ILDR1: variants seen among roughly 807,000 people sequenced by gnomAD.
ILDR1 encodes immunoglobulin-like domain-containing receptor 1.
A neutral mutation model predicts 62.4 loss-of-function variants in ILDR1; 56 were observed. The ratio of observed to expected loss-of-function variants is 0.90; its 90% CI spans 0.72 to 1.12. The LOEUF (loss-of-function observed/expected upper bound fraction) is 1.12. Ranked by LOEUF, ILDR1 falls within the 50% of genes most tolerant of loss-of-function variation. ILDR1 has a pLI of 0.00. For synonymous variants in ILDR1, 284 were observed against 277.8 expected, an observed-to-expected ratio of 1.02 and a Z score of -0.22; for missense variants, 736 against 710.6, an observed-to-expected ratio of 1.04 and a Z score of -0.41.
intron 7 of ILDR1, among the ~76,000 whole-genome samples, chr3:121,991,497 C>T (rs112625750): frequency 4.3e-4 from 65 of 152,046 alleles, no homozygotes; most frequent in African/African-American, 1.4e-3. Flanking sequence ...ACTGGTAACA[C>T]GGAAGAAATA....
upstream of ILDR1, among the ~76,000 whole-genome samples, chr3:122,023,758 C>T (rs887534101): frequency 6.6e-6 from 1 of 152,000 alleles, no homozygotes; most frequent in Non-Finnish European, 1.5e-5. Context: ...GTTTAGGAGC[C>T]TCATAGGTCT....
At chr3:121,994,435 T>C in intron 5 of ILDR1, 122 bp from the exon 6 acceptor site, 1 of 1,185,044 alleles carries the variant, frequency 8.4e-7, no homozygotes. Context: ...TCTCACCTAT[T>C]TTGCATGGGA....
At chr3:121,994,122 G>A (rs1312305215) in intron 6 of ILDR1, 60 bp downstream of exon 6, 15 of 1,528,190 alleles carry the variant, frequency 9.8e-6, no homozygotes, top group Non-Finnish European at 1.3e-5. Context: ...TCTTGATGTA[G>A]CCCATGTTCC....
the ILDR1 span, among the ~76,000 whole-genome samples, chr3:122,047,037 CA>C: frequency 6.9e-6 from 1 of 144,688 alleles, no homozygotes; most frequent in South Asian, 2.4e-4. Context: ...GTTTTTTCCC[CA>C]TCTTTGTGGT....
At chr3:122,036,594 A>C in the ILDR1 span, among the ~76,000 whole-genome samples, 9 of 152,114 alleles carry the variant, frequency 5.9e-5, no homozygotes, top group Non-Finnish European at 1.2e-4. Flanking sequence ...ATTTCAAAAA[A>C]AAAAAAAAGG....
At chr3:122,001,475 A>T in intron 4 of ILDR1, 21 bp from the exon 5 acceptor site, 1 of 1,613,866 alleles carries the variant, frequency 6.2e-7, no homozygotes, top group Admixed American at 1.7e-5. Context: ...GAAGCCAAGC[A>T]GGGGTTGAAC....
the ILDR1 span, among the ~76,000 whole-genome samples, chr3:122,052,268 A>G: frequency 6.6e-6 from 1 of 152,006 alleles, no homozygotes; most frequent in South Asian, 2.1e-4. Flanking sequence ...AGAGTATGCC[A>G]GTGATTCAAG....
Position 122,017,996 on chromosome 3 carries a change from G to A in ILDR1, c.58+4024C>T, listed in dbSNP as rs190171681. The stretch of plus-strand genomic sequence containing the variant: ...GAAGACAGTATGGTGATTCCTCAAG[G>A]ATCTAGAACTAGAAATACCATTTGA... On this transcript the variant is annotated intron_variant, in intron 1 of 7. Coordinates refer to ENST00000344209, the MANE Select transcript of ILDR1 (RefSeq NM_001199799.2). Among the ~76,000 whole-genome samples, 3 of 152,284 alleles carry A rather than the reference G, an allele frequency of 2.0e-5. No individual in the cohort carries two copies. The East Asian group carries it at 5.8e-4, about 29-fold the overall frequency.
Position 121,993,748 on chromosome 3 carries a change from G to A in ILDR1, c.1001C>T (p.Pro334Leu), listed in dbSNP as rs1008850752. ...VVERRIIHLP[P>L]LIRDLSSSRR... Reference sequence around the variant, plus strand: ...TGAGGATGACAGGTCTCTGATCAGTGGGGGCAGGTGGATGATTCTGCGTTC... The same window carrying A: ...TGAGGATGACAGGTCTCTGATCAGTAGGGGCAGGTGGATGATTCTGCGTTC... Residue 334 changes from proline to leucine, a missense_variant, in exon 7 of 8, where the codon CCA becomes CTA. Transcript: ENST00000344209. 5.6e-6 allele frequency: 9 copies of A among 1,614,042 alleles called. No homozygotes were observed. Among genetic ancestry groups the A allele is most frequent in the Non-Finnish European group, 7.6e-6 (9 of 1,180,002 alleles).
At chr3:122,034,400 C>T in the ILDR1 span, among the ~76,000 whole-genome samples, 1 of 152,086 alleles carries the variant, frequency 6.6e-6, no homozygotes, top group Non-Finnish European at 1.5e-5. Flanking sequence ...AATGAAATTT[C>T]TTGAATCCCT....
At chr3:122,010,342 G>T (rs1432835022) in intron 1 of ILDR1, among the ~76,000 whole-genome samples, 1 of 152,080 alleles carries the variant, frequency 6.6e-6, no homozygotes, top group East Asian at 1.9e-4. Context: ...CTTTTCTGAA[G>T]AACAGTAATA....
At chr3:122,031,637 CA>C in the ILDR1 span, among the ~76,000 whole-genome samples, 1 of 151,906 alleles carries the variant, frequency 6.6e-6, no homozygotes, top group East Asian at 1.9e-4. Flanking sequence ...GAGAGACCCC[CA>C]AAAAACTCTC....
intron 1 of ILDR1, among the ~76,000 whole-genome samples, chr3:122,020,733 G>T (rs2071842629): frequency 6.6e-6 from 1 of 152,202 alleles, no homozygotes; most frequent in African/African-American, 2.4e-5. Context: ...GCCTAAGATG[G>T]TGTTTGGTGA....
the ILDR1 span, among the ~76,000 whole-genome samples, chr3:122,048,982 CTTTTT>C: frequency 8.6e-5 from 13 of 152,032 alleles, no homozygotes; most frequent in African/African-American, 3.1e-4. Context: ...GCTTGTTCTT[CTTTTT>C]TTAGTTATTT....
At chr3:122,001,590 G>A (rs1431546679) in intron 4 of ILDR1, 136 bp from the exon 5 acceptor site, 1 of 1,476,428 alleles carries the variant, frequency 6.8e-7, no homozygotes, top group Non-Finnish European at 9.5e-7. Flanking sequence ...CTGGCAAAAA[G>A]GTAAAAGTTT....
chr3:122,049,010 TA>T, the ILDR1 span, among the ~76,000 whole-genome samples: 76 of 152,356 alleles, frequency 5.0e-4, no homozygotes, highest in African/African-American at 1.6e-3. Context: ...CATGTAGGGT[TA>T]GATTTTTTAT....
At chr3:122,004,262 G>A (rs576988276) in intron 3 of ILDR1, among the ~76,000 whole-genome samples, 38 of 152,226 alleles carry the variant, frequency 2.5e-4, no homozygotes, top group African/African-American at 9.1e-4. Context: ...TCTGAATTAT[G>A]TGCTACTCTA....
At chr3:122,028,692 C>A in the ILDR1 span, among the ~76,000 whole-genome samples, 3 of 152,142 alleles carry the variant, frequency 2.0e-5, no homozygotes, top group African/African-American at 4.8e-5. Context: ...CAACTTGTAC[C>A]GGTAATCAGG....
chr3:121,998,440 A>G (rs1198255613), intron 5 of ILDR1, among the ~76,000 whole-genome samples: 14 of 152,204 alleles, frequency 9.2e-5, no homozygotes, highest in Admixed American at 8.5e-4. Flanking sequence ...AGTCTACCCC[A>G]GTGACTCACT....
Sources: gnomAD v4.1 joint callset for allele counts (sites outside exome capture counted in the v4.1 genomes callset) on GRCh38, gnomAD v4.1.1 for gene constraint, MANE v1.5 for transcripts, NCBI Gene and HGNC (gene_info 2026-07-23, HGNC 2026-07-21) for gene names.